Variants in CSMD1 observed in about 807,000 individuals in gnomAD.
CSMD1 encodes CUB and sushi domain-containing protein 1.
In CSMD1, 213 loss-of-function variants were observed where a neutral mutation model predicts 417.5. The ratio of observed to expected loss-of-function variants is 0.51; its 90% CI spans 0.46 to 0.57. The LOEUF (loss-of-function observed/expected upper bound fraction) is 0.57, where lower values mean the gene tolerates loss of function less well. Among genes scored for constraint, CSMD1 ranks in the 20% least tolerant of loss-of-function variants. CSMD1 has a pLI of 0.00. For synonymous variants in CSMD1, 2,862 were observed against 1,736.8 expected (o/e 1.65, Z -16.11); for missense variants, 6,923 against 4,529.7 (o/e 1.53, Z -15.17).
At chr8:4,401,186 A>AG (rs1219176943) in intron 3 of CSMD1, among the ~76,000 whole-genome samples, 4 of 152,198 alleles carry the variant, frequency 2.6e-5, no homozygotes, top group Admixed American at 6.5e-5. Flanking sequence ...CCAAATTAAG[A>AG]GAAAAACTCT....
At chr8:4,102,961 T>A (rs1801381953) in intron 3 of CSMD1, among the ~76,000 whole-genome samples, 1 of 152,168 alleles carries the variant, frequency 6.6e-6, no homozygotes, top group Non-Finnish European at 1.5e-5. Context: ...CCCTGATAAC[T>A]TTAACACGTG....
intron 3 of CSMD1, among the ~76,000 whole-genome samples, chr8:4,270,951 C>G (rs1423047210): frequency 6.6e-6 from 1 of 152,148 alleles, no homozygotes; most frequent in Non-Finnish European, 1.5e-5. Context: ...AGAGAGGGAG[C>G]ACTTTAAACT....
At chr8:3,247,052 G>C (rs915208900) in intron 26 of CSMD1, among the ~76,000 whole-genome samples, 3 of 152,186 alleles carry the variant, frequency 2.0e-5, no homozygotes, top group African/African-American at 7.2e-5. Flanking sequence ...TGTAAGTGAA[G>C]ATCTAAGGGC....
At chr8:4,869,576 T>A (rs1331521666) in intron 1 of CSMD1, among the ~76,000 whole-genome samples, 1 of 152,070 alleles carries the variant, frequency 6.6e-6, no homozygotes, top group Non-Finnish European at 1.5e-5. Flanking sequence ...GCCTATTTTG[T>A]GTTAAATGTT....
At chr8:4,221,598 A>T (rs1470404246) in intron 3 of CSMD1, among the ~76,000 whole-genome samples, 1 of 152,102 alleles carries the variant, frequency 6.6e-6, no homozygotes, top group Non-Finnish European at 1.5e-5. Flanking sequence ...GTGCTCCAAA[A>T]AAAAGACCTC....
intron 3 of CSMD1, among the ~76,000 whole-genome samples, chr8:4,194,423 A>G (rs1584999135): frequency 6.6e-6 from 1 of 152,186 alleles, no homozygotes; most frequent in Non-Finnish European, 1.5e-5. Context: ...AGCTTGTAAA[A>G]TATCTAACAA....
chr8:4,213,446 C>G (rs1033230668), intron 3 of CSMD1, among the ~76,000 whole-genome samples: 1 of 152,192 alleles, frequency 6.6e-6, no homozygotes. Flanking sequence ...TATGTGAGAA[C>G]AGGAACAGTT....
chr8:3,307,794 G>C lies in CSMD1; in HGVS notation c.3851C>G (p.Ala1284Gly). The C allele has an allele frequency of 5.0e-6, 8 of 1,613,512 alleles. No individual in the cohort carries two copies. The highest frequency in any genetic ancestry group is 6.8e-6 in the Non-Finnish European group (8 of 1,179,590). The change falls in exon 25 of 70, where the codon GCC (alanine) becomes GGC (glycine). Residue 1284 changes from alanine (A) to glycine (G), a missense_variant. Physicochemically the swap from Ala to Gly is moderately conservative, Grantham distance 60. Coordinates refer to ENST00000635120, the MANE Select transcript of CSMD1 (RefSeq NM_033225.6). The part of the protein sequence containing the change: ...IAECGGQIHA[A>G]TSGRILSPGY... ...AGGGGACAATATTCGTCCTGATGTG[G>C]CTGCATGGATCTGACCACCACATTC...
intron 1 of CSMD1, among the ~76,000 whole-genome samples, chr8:4,764,705 C>G (rs1338948913): frequency 6.7e-6 from 1 of 150,026 alleles, no homozygotes; most frequent in African/African-American, 2.4e-5. Flanking sequence ...AAACCCATCT[C>G]TACTAAAAAT....
At chr8:3,741,889 C>G (rs1244450341) in intron 6 of CSMD1, among the ~76,000 whole-genome samples, 1 of 152,092 alleles carries the variant, frequency 6.6e-6, no homozygotes, top group East Asian at 1.9e-4. Flanking sequence ...AATTCCTTAC[C>G]ATGTGAGTCA....
chr8:4,017,774 G>T (rs926642385), intron 4 of CSMD1, among the ~76,000 whole-genome samples: 1 of 152,098 alleles, frequency 6.6e-6, no homozygotes, highest in Non-Finnish European at 1.5e-5. Context: ...TAAATGAAGA[G>T]ATGTCCTCTT....
chr8:3,275,786 C>T (rs1025110907), intron 26 of CSMD1, among the ~76,000 whole-genome samples: 2 of 152,168 alleles, frequency 1.3e-5, no homozygotes, highest in African/African-American at 4.8e-5. Flanking sequence ...CCATCAGCTC[C>T]TTTAAGCACT....
At chr8:4,381,888 G>T (rs1344005062) in intron 3 of CSMD1, among the ~76,000 whole-genome samples, 4 of 151,996 alleles carry the variant, frequency 2.6e-5, no homozygotes, top group Non-Finnish European at 5.9e-5. Context: ...TTGGTTCCCT[G>T]CTATACAGTG....
chr8:3,141,467 C>G (rs915704649), intron 41 of CSMD1, among the ~76,000 whole-genome samples: 1 of 152,198 alleles, frequency 6.6e-6, no homozygotes, highest in South Asian at 2.1e-4. Context: ...GGGGACCAGT[C>G]TGTCTTTGCA....
At chr8:3,298,628 AT>A (rs1804148947) in intron 25 of CSMD1, among the ~76,000 whole-genome samples, 1 of 152,002 alleles carries the variant, frequency 6.6e-6, no homozygotes, top group Admixed American at 6.6e-5. Flanking sequence ...TTATTTTTTA[AT>A]TTTTAATAGA....
chr8:3,965,203 G>A (rs1222839844), intron 5 of CSMD1, among the ~76,000 whole-genome samples: 6 of 152,118 alleles, frequency 3.9e-5, no homozygotes, highest in Non-Finnish European at 5.9e-5. Context: ...AGACAAGGGC[G>A]GAAGGAGGGG....
chr8:4,425,511 C>T (rs569944977), intron 2 of CSMD1, among the ~76,000 whole-genome samples: 1 of 152,058 alleles, frequency 6.6e-6, no homozygotes, highest in African/African-American at 2.4e-5. Context: ...TTACTCCACA[C>T]TGGCTGCGAG....
intron 2 of CSMD1, among the ~76,000 whole-genome samples, chr8:4,458,707 T>C (rs1226081944): frequency 1.3e-5 from 2 of 152,154 alleles, no homozygotes; most frequent in East Asian, 1.9e-4. Context: ...AATTAGATTA[T>C]TTCTTTATTA....
rs561744292 is a variant in CSMD1, at chr8:3,436,509, A to T, written c.1562-26904T>A. On this transcript the variant is annotated intron_variant, in intron 12 of 69. Coordinates refer to ENST00000635120, the MANE Select transcript of CSMD1 (RefSeq NM_033225.6). ...GAATATGCATAAAATTAATTATGTAAATTAAGTGTAATGTTTAGTGGCTTT... is the reference window on the plus strand; with the variant it reads ...GAATATGCATAAAATTAATTATGTATATTAAGTGTAATGTTTAGTGGCTTT... 1.4e-4 allele frequency among the ~76,000 whole-genome samples: 21 copies of T among 152,308 alleles called. 1 individual carries two copies. In the South Asian group the frequency reaches 3.9e-3, roughly 29 times the overall value.
Sources: gnomAD v4.1 joint callset for allele counts (sites outside exome capture counted in the v4.1 genomes callset) on GRCh38, gnomAD v4.1.1 for gene constraint, MANE v1.5 for transcripts, NCBI Gene and HGNC (gene_info 2026-07-23, HGNC 2026-07-21) for gene names.